The following ATP9A variants were observed in gnomAD, a reference collection of about 807,000 sequenced individuals.
The protein encoded by ATP9A is ATPase phospholipid transporting 9A, also known as probable phospholipid-transporting ATPase IIA.
ATP9A carries 52 observed loss-of-function variants against 144.1 expected under a neutral mutation model. That is an observed-to-expected ratio of 0.36 (90% confidence interval 0.29 to 0.45). The LOEUF is 0.45. ATP9A is among the 20% of genes least tolerant of loss of function. The probability of loss-of-function intolerance (pLI) is 1.00; values close to 1 mark genes in which losing one functional copy is unlikely to be tolerated. For missense variants in ATP9A, 947 were observed against 1,392.7 expected (o/e 0.68, Z 5.09); for synonymous variants, 582 against 557.4 (o/e 1.04, Z -0.62).
chr20:51,620,454 T>A (rs772532493), intron 19 of ATP9A, among the ~76,000 whole-genome samples: 1 of 152,190 alleles, frequency 6.6e-6, no homozygotes, highest in Non-Finnish European at 1.5e-5. Flanking sequence ...CTGGTTGCAA[T>A]ATCTTCATAA....
At chr20:51,667,976 G>A (rs1054773939) in intron 13 of ATP9A, among the ~76,000 whole-genome samples, 3 of 149,486 alleles carry the variant, frequency 2.0e-5, no homozygotes, top group African/African-American at 7.4e-5. Flanking sequence ...GGCTGAGATG[G>A]GAGGATTGCT....
At chr20:51,724,231 T>G (rs1018539214) in intron 3 of ATP9A, among the ~76,000 whole-genome samples, 1 of 152,142 alleles carries the variant, frequency 6.6e-6, no homozygotes, top group South Asian at 2.1e-4. Context: ...AATCCAAGCG[T>G]TCCCCCCCTG....
intron 22 of ATP9A, among the ~76,000 whole-genome samples, chr20:51,616,282 C>T (rs1413933568): frequency 1.3e-5 from 2 of 152,118 alleles, no homozygotes; most frequent in Non-Finnish European, 2.9e-5. Context: ...TCTCTGCTGC[C>T]CCCTCCGGGC....
At chr20:51,607,352 T>C (rs1464388816) in intron 26 of ATP9A, among the ~76,000 whole-genome samples, 175 bp downstream of exon 26, 1 of 152,256 alleles carries the variant, frequency 6.6e-6, no homozygotes, top group African/African-American at 2.4e-5. Context: ...GCACTGTGCA[T>C]GTCTGATGTT....
chr20:51,610,752 C>T (rs184377258), intron 23 of ATP9A, among the ~76,000 whole-genome samples: 7 of 152,168 alleles, frequency 4.6e-5, no homozygotes, highest in East Asian at 3.9e-4. Context: ...GAAACACATA[C>T]AGAAAAAGAG....
intron 14 of ATP9A, among the ~76,000 whole-genome samples, chr20:51,646,334 A>G (rs2077342232): frequency 6.6e-6 from 1 of 152,214 alleles, no homozygotes; most frequent in South Asian, 2.1e-4. Flanking sequence ...GATACATACC[A>G]ATCATCAGAG....
chr20:51,712,933 G>A, intron 4 of ATP9A, 33 bp downstream of exon 4: 1 of 1,562,038 alleles, frequency 6.4e-7, no homozygotes, highest in African/African-American at 1.4e-5. Flanking sequence ...TGATTGAGCT[G>A]CAACCCTGTG....
At position 51,676,223 on chromosome 20, in the gene ATP9A, A is replaced by AT; in HGVS notation, c.800-16_800-15insA. The AT allele has an allele frequency of 3.4e-5, 53 of 1,548,524 alleles. No homozygotes were observed. The highest frequency in any genetic ancestry group is 4.0e-5 in the Non-Finnish European group (46 of 1,145,854). ...CACAACAGTACCTAAAATGGAAAAA[A>AT]GAAAAAAAAAAAAAGAAAAGAAATA... On this transcript the variant is annotated splice_polypyrimidine_tract_variant and intron_variant, in intron 9 of 27. Coordinates refer to ENST00000338821, the MANE Select transcript of ATP9A (RefSeq NM_006045.3).
At chr20:51,751,746 C>T (rs1340962486) in intron 1 of ATP9A, among the ~76,000 whole-genome samples, 1 of 152,150 alleles carries the variant, frequency 6.6e-6, no homozygotes, top group Non-Finnish European at 1.5e-5. Context: ...CACCACCACG[C>T]CCGGCTAATT....
In ATP9A at chr20:51,674,674, A is replaced by G. The variant is rs552301439; in HGVS notation, c.877-361T>C. On this transcript the variant is annotated intron_variant, in intron 10 of 27. Transcript: ENST00000338821. ...GGTCGTGTGCTGAATAGCCTCCACC[A>G]CCCTGCAGAGTGCCCTTGGCCTTGT... Among the ~76,000 whole-genome samples, 8 of 152,248 alleles carry G rather than the reference A, an allele frequency of 5.3e-5. No individual in the cohort carries two copies. The East Asian group carries it at 1.4e-3, about 26-fold the overall frequency.
intron 19 of ATP9A, among the ~76,000 whole-genome samples, chr20:51,620,684 G>A (rs540340722): frequency 7.2e-5 from 11 of 152,132 alleles, no homozygotes; most frequent in South Asian, 4.2e-4. Flanking sequence ...CGCTGTGTGC[G>A]GCCATTTTAA....
At chr20:51,692,399 G>A (rs1056673072) in intron 7 of ATP9A, among the ~76,000 whole-genome samples, 3 of 152,212 alleles carry the variant, frequency 2.0e-5, no homozygotes, top group African/African-American at 7.2e-5. Context: ...CAGTCAGGGG[G>A]AGCAGCAGTC....
intron 1 of ATP9A, among the ~76,000 whole-genome samples, chr20:51,742,492 C>A (rs2077789271): frequency 6.6e-6 from 1 of 152,078 alleles, no homozygotes; most frequent in Non-Finnish European, 1.5e-5. Context: ...AGAAGCCTAC[C>A]CTGCTGTTGC....
rs1279082433 is a variant in ATP9A at position 51,611,863 on chromosome 20, C to G, written c.2572-1698G>C. On this transcript the variant is annotated intron_variant, in intron 23 of 27. Coordinates refer to ENST00000338821, the MANE Select transcript of ATP9A (RefSeq NM_006045.3). The surrounding 1 kb of genome is among the most constrained non-coding windows in gnomAD (Gnocchi z 4.2). ...TGAAAGTCACTTTCAGGCTCCCCTA[C>G]TCACAATTGCAATAGATATTTAAAA... is the stretch of plus-strand genomic sequence containing the variant. Among the ~76,000 whole-genome samples, 1 of 152,210 alleles carries G rather than the reference C, an allele frequency of 6.6e-6. No homozygotes were observed. The highest frequency in any genetic ancestry group is 2.4e-5 in the African/African-American group (1 of 41,456).
At chr20:51,744,759 C>G (rs780513339) in intron 1 of ATP9A, among the ~76,000 whole-genome samples, 1 of 152,228 alleles carries the variant, frequency 6.6e-6, no homozygotes, top group Non-Finnish European at 1.5e-5. Context: ...GACACACCAA[C>G]CTTCCAGGAA....
At chr20:51,615,144 A>G (rs1311744824) in intron 22 of ATP9A, among the ~76,000 whole-genome samples, 1 of 152,008 alleles carries the variant, frequency 6.6e-6, no homozygotes, top group Non-Finnish European at 1.5e-5. Context: ...TTTGTGTGGG[A>G]GAATGTCCTT....
chr20:51,715,354 T>C (rs2077657502), intron 3 of ATP9A, among the ~76,000 whole-genome samples: 1 of 152,100 alleles, frequency 6.6e-6, no homozygotes, highest in African/African-American at 2.4e-5. Context: ...CCAGACCACA[T>C]AGGGAGTGAG....
At chr20:51,624,419 C>T (rs2077239348) in intron 18 of ATP9A, among the ~76,000 whole-genome samples, 2 of 152,154 alleles carry the variant, frequency 1.3e-5, no homozygotes, top group African/African-American at 4.8e-5. Context: ...GGTCCTCACG[C>T]GCCCTCTGCT....
At chr20:51,754,221 G>A (rs1036891048) in intron 1 of ATP9A, among the ~76,000 whole-genome samples, 3 of 152,102 alleles carry the variant, frequency 2.0e-5, no homozygotes, top group Admixed American at 6.5e-5. Flanking sequence ...GGAAGCCAAC[G>A]CTGGGCGCGG....
Sources: allele counts gnomAD v4.1 joint callset (sites outside exome capture counted in the v4.1 genomes callset), GRCh38; gene constraint gnomAD v4.1.1; non-coding constraint Gnocchi (gnomAD v3.1); transcripts MANE v1.5; gene names NCBI Gene and HGNC (gene_info 2026-07-23, HGNC 2026-07-21).